The following FCHSD2 variants were observed in gnomAD, a reference collection of about 807,000 sequenced individuals.
The protein encoded by FCHSD2 is FCH and double SH3 domains 2.
FCHSD2 carries 38 observed loss-of-function variants against 108.1 expected under a neutral mutation model. The ratio of observed to expected loss-of-function variants is 0.35; its 90% confidence interval spans 0.27 to 0.46. The LOEUF (loss-of-function observed/expected upper bound fraction) is 0.46. FCHSD2 is among the 20% of genes least tolerant of loss of function. FCHSD2 has a pLI of 1.00. For synonymous variants in FCHSD2, 279 were observed against 314.7 expected, an observed-to-expected ratio of 0.89 and a Z score of 1.20; for missense variants, 751 against 897.8, an observed-to-expected ratio of 0.84 and a Z score of 2.09.
At chr11:72,853,621 C>T (rs1251218132) in intron 13 of FCHSD2, among the ~76,000 whole-genome samples, 1 of 152,062 alleles carries the variant, frequency 6.6e-6, no homozygotes, top group East Asian at 1.9e-4. Flanking sequence ...TACCGTGTTG[C>T]CCAGGCTGGT....
chr11:72,930,163 T>G (rs1856160190), intron 8 of FCHSD2, among the ~76,000 whole-genome samples: 1 of 152,192 alleles, frequency 6.6e-6, no homozygotes, highest in Non-Finnish European at 1.5e-5. Context: ...TTAGGGCATA[T>G]AATGTTGCTC....
intron 3 of FCHSD2, among the ~76,000 whole-genome samples, chr11:73,037,521 G>A (rs1449474818): frequency 6.6e-6 from 1 of 152,044 alleles, no homozygotes; most frequent in Non-Finnish European, 1.5e-5. Context: ...TTGCCTCTGA[G>A]TTTTTGATAG....
At chr11:72,951,478 A>C (rs1591429245) in intron 8 of FCHSD2, among the ~76,000 whole-genome samples, 2 of 152,194 alleles carry the variant, frequency 1.3e-5, no homozygotes, top group Admixed American at 1.3e-4. Context: ...ACTTACTACA[A>C]GGCTTGGCAT....
intron 8 of FCHSD2, among the ~76,000 whole-genome samples, chr11:72,969,400 TTAA>T (rs1401499055): frequency 6.6e-6 from 1 of 152,230 alleles, no homozygotes; most frequent in Admixed American, 6.5e-5. Context: ...GCCACCTCAG[TTAA>T]TTTTTTAGAG....
chr11:72,867,342 A>G (rs1854750589), intron 13 of FCHSD2, among the ~76,000 whole-genome samples: 1 of 152,182 alleles, frequency 6.6e-6, no homozygotes, highest in Non-Finnish European at 1.5e-5. Flanking sequence ...AAGGAGACTT[A>G]AGCTGTGTCC....
chr11:73,062,721 A>G (rs1479408579), intron 3 of FCHSD2, among the ~76,000 whole-genome samples: 1 of 152,218 alleles, frequency 6.6e-6, no homozygotes, highest in Non-Finnish European at 1.5e-5. Flanking sequence ...AAATAAAGAA[A>G]GAAGACAAGA....
At chr11:73,109,230 T>A (rs1860424104) in intron 2 of FCHSD2, among the ~76,000 whole-genome samples, 1 of 152,206 alleles carries the variant, frequency 6.6e-6, no homozygotes, top group Non-Finnish European at 1.5e-5. Flanking sequence ...CCATATATAT[T>A]TTAGAATTGC....
At chr11:72,860,017 A>G (rs1040597168) in intron 13 of FCHSD2, among the ~76,000 whole-genome samples, 1 of 152,112 alleles carries the variant, frequency 6.6e-6, no homozygotes, top group Non-Finnish European at 1.5e-5. Context: ...TCAGGATGAA[A>G]CTGTTCCATC....
rs554771205 is a variant in FCHSD2, at chr11:73,052,708, G to A, written c.165+30987C>T. Among the ~76,000 whole-genome samples, 193 of 152,006 alleles carry A rather than the reference G, an allele frequency of 1.3e-3. 1 individual carries two copies. Among genetic ancestry groups the A allele is most frequent in the African/African-American group, 4.4e-3 (184 of 41,456 alleles). On this transcript the variant is annotated intron_variant, in intron 3 of 19. Transcript: ENST00000409418. ...TTGGATTTATTCATCTTATATATTCGGTATTTTTAATAATCTTCATACTTG... is the reference window on the plus strand; with the variant it reads ...TTGGATTTATTCATCTTATATATTCAGTATTTTTAATAATCTTCATACTTG...
At chr11:72,910,101 C>G (rs1370756783) in intron 9 of FCHSD2, among the ~76,000 whole-genome samples, 1 of 145,580 alleles carries the variant, frequency 6.9e-6, no homozygotes, top group East Asian at 2.1e-4. Flanking sequence ...GCCCCTCTGC[C>G]CGGCCACCCA....
chr11:73,092,977 G>A (rs11235652), intron 2 of FCHSD2, among the ~76,000 whole-genome samples: 1 of 152,192 alleles, frequency 6.6e-6, no homozygotes, highest in Non-Finnish European at 1.5e-5. Context: ...GATTTCATCA[G>A]GGGTGGGTGG....
At chr11:72,960,736 T>G (rs567836027) in intron 8 of FCHSD2, among the ~76,000 whole-genome samples, 1 of 152,246 alleles carries the variant, frequency 6.6e-6, no homozygotes, top group Non-Finnish European at 1.5e-5. Context: ...TGGGAGTTGA[T>G]GTGGAGAAAG....
At chr11:73,021,303 G>A (rs1341352841) in intron 3 of FCHSD2, among the ~76,000 whole-genome samples, 2 of 150,312 alleles carry the variant, frequency 1.3e-5, no homozygotes, top group South Asian at 2.1e-4. Context: ...ACATGGAATC[G>A]ACCTAAATGG....
rs150637500 is a variant in FCHSD2, at chr11:73,014,217, C to G, written c.242+1592G>C. Among the ~76,000 whole-genome samples, 502 of 141,582 alleles carry G rather than the reference C, an allele frequency of 3.5e-3. 1 individual carries two copies. Among genetic ancestry groups the G allele is most frequent in the African/African-American group, 0.013 (481 of 38,052 alleles). The allele number at this position is 141,582 out of a possible 152,430, so 92.9% of individuals were successfully genotyped here. ...TGCATTCATAGCTCACTGCAGCCTT[C>G]AACTCCTGGGCTCAAGCGATCGTCC... On this transcript the variant is annotated intron_variant, in intron 4 of 19. Coordinates refer to ENST00000409418, the MANE Select transcript of FCHSD2 (RefSeq NM_014824.3).
chr11:72,916,384 C>T (rs1032858918), intron 9 of FCHSD2, among the ~76,000 whole-genome samples: 1 of 150,504 alleles, frequency 6.6e-6, no homozygotes, highest in Non-Finnish European at 1.5e-5. Flanking sequence ...ATGATCATAG[C>T]CTGCTGCAGC....
Position 73,109,861 on chromosome 11 carries a change from G to A in FCHSD2, c.120-26121C>T, listed in dbSNP as rs567925198. ...TCTTAAATGGCTTTTATTGTGTTGA[G>A]GTATGTTCCTTCTATACCCAGTTTA... is the stretch of plus-strand genomic sequence containing the variant. On this transcript the variant is annotated intron_variant, in intron 2 of 19. Transcript: ENST00000409418. Among the ~76,000 whole-genome samples the A allele has an allele frequency of 7.2e-5, 11 of 152,096 alleles. No individual in the cohort carries two copies. The East Asian group carries it at 2.1e-3, about 29-fold the overall frequency.
intron 10 of FCHSD2, among the ~76,000 whole-genome samples, chr11:72,898,618 A>C (rs1320024593): frequency 1.3e-5 from 2 of 152,124 alleles, no homozygotes; most frequent in Non-Finnish European, 2.9e-5. Context: ...TCCCACTTTC[A>C]TCATCAAGTC....
chr11:73,076,114 C>A (rs1368299072), intron 3 of FCHSD2, among the ~76,000 whole-genome samples: 4 of 152,048 alleles, frequency 2.6e-5, no homozygotes, highest in Non-Finnish European at 1.5e-5. Flanking sequence ...GAGTGAGAAC[C>A]CATCTCAAAA....
chr11:72,979,422 AAAC>A (rs781301971), intron 8 of FCHSD2, among the ~76,000 whole-genome samples: 62 of 152,330 alleles, frequency 4.1e-4, no homozygotes, highest in African/African-American at 1.4e-3. Context: ...CAGAAAGAGA[AAAC>A]AAAAGGGAAG....
Sources: allele counts gnomAD v4.1 joint callset (sites outside exome capture counted in the v4.1 genomes callset), GRCh38; gene constraint gnomAD v4.1.1; transcripts MANE v1.5; gene names NCBI Gene and HGNC (gene_info 2026-07-23, HGNC 2026-07-21).